FSHR: variants seen among roughly 807,000 people sequenced by gnomAD.
FSHR encodes follicle stimulating hormone receptor.
FSHR carries 46 observed loss-of-function variants against 52.1 expected under a neutral mutation model. The ratio of observed to expected loss-of-function variants is 0.88; its 90% confidence interval spans 0.70 to 1.13. The LOEUF (loss-of-function observed/expected upper bound fraction) is 1.13. FSHR is among the 50% of genes most tolerant of loss of function. The probability of loss-of-function intolerance (pLI) is 0.00; values close to 1 mark genes in which losing one functional copy is unlikely to be tolerated. For synonymous variants in FSHR, 399 were observed against 309.6 expected (o/e 1.29, Z -3.03); for missense variants, 964 against 834.6 (o/e 1.16, Z -1.91).
intron 2 of FSHR, among the ~76,000 whole-genome samples, chr2:49,066,703 C>A (rs983755707): frequency 6.6e-6 from 1 of 152,042 alleles, no homozygotes; most frequent in Non-Finnish European, 1.5e-5. Flanking sequence ...CTCAACCATT[C>A]GTATTGCCAC....
At chr2:48,974,327 C>T (rs1191117406) in intron 8 of FSHR, among the ~76,000 whole-genome samples, 1 of 152,154 alleles carries the variant, frequency 6.6e-6, no homozygotes. Context: ...GGGAAGCCTC[C>T]TTGGTAAACT....
chr2:49,032,719 A>C (rs1668142643), intron 2 of FSHR, among the ~76,000 whole-genome samples: 1 of 152,188 alleles, frequency 6.6e-6, no homozygotes, highest in Non-Finnish European at 1.5e-5. Context: ...CAGTGAGTGA[A>C]AGATAGAAGG....
At chr2:48,968,588 A>G in intron 9 of FSHR, 110 bp downstream of exon 9, 1 of 1,293,106 alleles carries the variant, frequency 7.7e-7, no homozygotes, top group Non-Finnish European at 1.1e-6. Context: ...AGGGCTTGAG[A>G]CAGGGAACTC....
chr2:49,080,650 A>G (rs974225573), intron 1 of FSHR, among the ~76,000 whole-genome samples: 3 of 152,206 alleles, frequency 2.0e-5, no homozygotes, highest in South Asian at 4.1e-4. Context: ...AACATGCAAA[A>G]TAATATAGTA....
intron 1 of FSHR, among the ~76,000 whole-genome samples, chr2:49,103,865 A>C (rs1178121968): frequency 6.6e-6 from 1 of 152,120 alleles, no homozygotes; most frequent in Non-Finnish European, 1.5e-5. Flanking sequence ...TGCATTGTGA[A>C]TAGAGGACAA....
At chr2:49,062,280 T>A (rs1669339915) in intron 2 of FSHR, among the ~76,000 whole-genome samples, 1 of 152,094 alleles carries the variant, frequency 6.6e-6, no homozygotes, top group South Asian at 2.1e-4. Context: ...AGTGAAGTGA[T>A]TTTCAACAAA....
At chr2:49,116,939 G>A (rs937787098) in intron 1 of FSHR, among the ~76,000 whole-genome samples, 1 of 152,130 alleles carries the variant, frequency 6.6e-6, no homozygotes, top group African/African-American at 2.4e-5. Context: ...ACTTTGATAT[G>A]AATGGAAACA....
intron 8 of FSHR, among the ~76,000 whole-genome samples, chr2:48,970,368 A>G (rs1453489646): frequency 6.6e-6 from 1 of 152,182 alleles, no homozygotes; most frequent in East Asian, 1.9e-4. Context: ...CACTAAGGCC[A>G]TGTCTTAGCT....
chr2:49,149,203 T>C (rs566607348), intron 1 of FSHR, among the ~76,000 whole-genome samples: 1 of 152,086 alleles, frequency 6.6e-6, no homozygotes, highest in African/African-American at 2.4e-5. Flanking sequence ...AAGTTAGGAA[T>C]GGTTTTTATA....
chr2:48,972,172 G>A (rs1674771565), intron 8 of FSHR, among the ~76,000 whole-genome samples: 1 of 152,118 alleles, frequency 6.6e-6, no homozygotes, highest in African/African-American at 2.4e-5. Context: ...CTTTCCAGTT[G>A]TTCATGCAAA....
intron 1 of FSHR, among the ~76,000 whole-genome samples, chr2:49,098,756 A>T (rs147821154): frequency 0.044 from 6,266 of 141,632 alleles, 423 homozygotes; most frequent in African/African-American, 0.15. Flanking sequence ...ATATTATTAT[A>T]TAATAATATG....
rs772104318 is a variant in FSHR, at chr2:49,127,891, TCTTC to T, written c.152+26371_152+26374del. ...TTCTTCTTCTTCTTCTTCTTCTTCT[TCTTC>T]TTCTTTTTTTTTTTTGAGACGGAGT... On this transcript the variant is annotated intron_variant, in intron 1 of 9. Transcript: ENST00000406846. Among the ~76,000 whole-genome samples, 310 of 38,828 alleles carry T rather than the reference TCTTC, an allele frequency of 8.0e-3. 17 individuals carry two copies. The highest frequency in any genetic ancestry group is 0.046 in the East Asian group (39 of 854). 25.5% of individuals were successfully genotyped at this position (38,828 alleles called of 152,430 possible). A position where few individuals can be genotyped will look rare whatever the true frequency, so the allele number is the denominator to read the frequency against.
In FSHR at chr2:48,983,092, A is replaced by C; in HGVS notation, c.593+6T>G. On this transcript the variant is annotated splice_donor_region_variant and intron_variant, in intron 7 of 9. Coordinates refer to ENST00000406846, the MANE Select transcript of FSHR (RefSeq NM_000145.4). Reference sequence around the variant, plus strand: ...ATGGCCTTGAAGAATAGTCAGGGCTACTTACAGCTCATCTAGTTGGGTTCC... The same window carrying C: ...ATGGCCTTGAAGAATAGTCAGGGCTCCTTACAGCTCATCTAGTTGGGTTCC... 6.2e-7 allele frequency: 1 copy of C among 1,613,878 alleles called. No individual in the cohort carries two copies. The highest frequency in any genetic ancestry group is 8.5e-7 in the Non-Finnish European group (1 of 1,179,722).
chr2:48,990,689 A>T, intron 4 of FSHR, 52 bp from the exon 5 acceptor site: 1 of 1,055,718 alleles, frequency 9.5e-7, no homozygotes, highest in East Asian at 2.4e-5. Context: ...CTGTTTAAAC[A>T]GTTGTTAGAG....
In FSHR at chr2:48,982,184, C is replaced by T. The variant is rs535620822; in HGVS notation, c.668+728G>A. On this transcript the variant is annotated intron_variant, in intron 8 of 9. Transcript: ENST00000406846. ...AGCCACGGGAAGAAGTCACTGATGG[C>T]GAGGTTGTCAGAGAGACTTGAGGAG... Among the ~76,000 whole-genome samples the T allele has an allele frequency of 1.3e-3, 202 of 152,108 alleles. 1 individual carries two copies. The highest frequency in any genetic ancestry group is 2.5e-3 in the Non-Finnish European group (170 of 67,998).
intron 2 of FSHR, among the ~76,000 whole-genome samples, chr2:49,030,329 C>G (rs539637757): frequency 6.8e-6 from 1 of 146,864 alleles, no homozygotes; most frequent in Admixed American, 6.8e-5. Context: ...TGGAGGCTGT[C>G]CTGTCCACTG....
At chr2:49,114,694 A>G (rs1671537581) in intron 1 of FSHR, among the ~76,000 whole-genome samples, 1 of 152,180 alleles carries the variant, frequency 6.6e-6, no homozygotes. Context: ...CAACAATCAC[A>G]GTACTTTTAT....
intron 4 of FSHR, among the ~76,000 whole-genome samples, chr2:49,005,748 A>T (rs1667053496): frequency 6.6e-6 from 1 of 152,180 alleles, no homozygotes; most frequent in South Asian, 2.1e-4. Context: ...TATCCCTCTA[A>T]GCACCACCAT....
At chr2:49,002,477 C>A (rs191219419) in intron 4 of FSHR, among the ~76,000 whole-genome samples, 1 of 152,142 alleles carries the variant, frequency 6.6e-6, no homozygotes, top group African/African-American at 2.4e-5. Context: ...ACACGCAGTT[C>A]CTCAGGGCTG....
Sources: gnomAD v4.1 joint callset for allele counts (sites outside exome capture counted in the v4.1 genomes callset) on GRCh38, gnomAD v4.1.1 for gene constraint, MANE v1.5 for transcripts, NCBI Gene and HGNC (gene_info 2026-07-23, HGNC 2026-07-21) for gene names.